The following ZDHHC7 variants were observed in gnomAD, a reference collection of about 807,000 sequenced individuals.
ZDHHC7 encodes zDHHC palmitoyltransferase 7.
Under a neutral mutation model 34.1 loss-of-function variants are expected in ZDHHC7, and 12 were observed. The observed-to-expected ratio is 0.35, with a 90% CI of 0.23 to 0.57. The LOEUF (loss-of-function observed/expected upper bound fraction) is 0.57. Ranked by LOEUF, ZDHHC7 falls within the 20% of genes least tolerant of loss-of-function variation. The pLI is 0.84. For missense variants in ZDHHC7, 388 were observed against 402.7 expected (o/e 0.96, Z 0.31); for synonymous variants, 185 against 155.4 (o/e 1.19, Z -1.42).
intron 3 of ZDHHC7, chr16:84,982,259 C>T (rs2072380475): frequency 6.2e-6 from 2 of 321,654 alleles, no homozygotes; most frequent in Non-Finnish European, 1.2e-5. Flanking sequence ...GCAGGAGAAT[C>T]GCTTGAACTC....
chr16:84,993,430 G>C (rs1308540759), intron 2 of ZDHHC7, among the ~76,000 whole-genome samples: 1 of 152,094 alleles, frequency 6.6e-6, no homozygotes, highest in Non-Finnish European at 1.5e-5. Flanking sequence ...CCAGGAGTTT[G>C]AGACTGGCCT....
the ZDHHC7 span, among the ~76,000 whole-genome samples, chr16:85,018,824 G>A: frequency 1.3e-5 from 2 of 152,114 alleles, no homozygotes; most frequent in African/African-American, 4.8e-5. Context: ...TGGAAAATCA[G>A]AGACTTGTTC....
At chr16:84,996,765 A>G (rs1192554650) in intron 1 of ZDHHC7, among the ~76,000 whole-genome samples, 1 of 152,140 alleles carries the variant, frequency 6.6e-6, no homozygotes, top group Non-Finnish European at 1.5e-5. Context: ...GCGGTGGCTC[A>G]CGCCTGTAAT....
intron 1 of ZDHHC7, among the ~76,000 whole-genome samples, chr16:85,000,297 CT>C (rs2072637144): frequency 6.6e-6 from 1 of 152,196 alleles, no homozygotes; most frequent in African/African-American, 2.4e-5. Flanking sequence ...AGTGGAGTCA[CT>C]TTTCTTCCTG....
chr16:85,002,242 G>A (rs1439490993), intron 1 of ZDHHC7, among the ~76,000 whole-genome samples: 3 of 152,132 alleles, frequency 2.0e-5, no homozygotes, highest in African/African-American at 7.2e-5. Context: ...CAGGGAGGAC[G>A]CTGCTCCCCA....
intron 1 of ZDHHC7, among the ~76,000 whole-genome samples, chr16:85,009,161 A>T (rs2072756362): frequency 6.6e-6 from 1 of 152,064 alleles, no homozygotes; most frequent in Non-Finnish European, 1.5e-5. Flanking sequence ...TTCAATGTTC[A>T]TCCCAAACAT....
In ZDHHC7 at chr16:84,974,273, A is replaced by T. The variant is rs2072265169; in HGVS notation, c.*2070T>A. 1 of 152,194 alleles carries T rather than the reference A, an allele frequency of 6.6e-6. No individual in the cohort carries two copies. 9.4% of individuals were successfully genotyped at this position (152,194 alleles called of 1,614,324 possible). On this transcript the variant is annotated 3_prime_UTR_variant, in exon 8 of 8. Coordinates refer to ENST00000313732, the MANE Select transcript of ZDHHC7 (RefSeq NM_017740.3). ...AATTAAACATTCAACAAGCAACAGT[A>T]CTCACTGGGCAACATTTGTGAGTCG...
chr16:84,997,883 C>G (rs1284062369), intron 1 of ZDHHC7, among the ~76,000 whole-genome samples: 1 of 111,482 alleles, frequency 9.0e-6, no homozygotes, highest in South Asian at 3.0e-4. Flanking sequence ...GGCGACAGAG[C>G]GAGACTCCGT....
At chr16:85,021,826 G>A in the ZDHHC7 span, among the ~76,000 whole-genome samples, 1 of 152,056 alleles carries the variant, frequency 6.6e-6, no homozygotes, top group Non-Finnish European at 1.5e-5. Context: ...GGAGAAAAGA[G>A]AGCCCTCCAG....
At chr16:85,015,392 C>T (rs1431040568), upstream of ZDHHC7, among the ~76,000 whole-genome samples, 10 of 152,130 alleles carry the variant, frequency 6.6e-5, no homozygotes, top group African/African-American at 1.9e-4. Flanking sequence ...TGAGCCACCA[C>T]GCACGGCCTC....
chr16:85,003,738 C>G (rs767951491), intron 1 of ZDHHC7, among the ~76,000 whole-genome samples: 6 of 152,194 alleles, frequency 3.9e-5, no homozygotes, highest in Non-Finnish European at 7.3e-5. Flanking sequence ...AATACTTAAT[C>G]ACTCTACAGT....
the ZDHHC7 span, among the ~76,000 whole-genome samples, chr16:85,024,424 G>C: frequency 6.6e-5 from 10 of 151,820 alleles, no homozygotes; most frequent in African/African-American, 2.4e-4. Flanking sequence ...GTAGAGATGG[G>C]GTTTCACCAT....
intron 3 of ZDHHC7, among the ~76,000 whole-genome samples, chr16:84,982,389 T>TA (rs35406399): frequency 6.6e-6 from 1 of 151,216 alleles, no homozygotes; most frequent in Non-Finnish European, 1.5e-5. Flanking sequence ...ATCAAACAAT[T>TA]AAAAAAAACT....
chr16:84,985,326 G>A (rs1049266628), intron 3 of ZDHHC7, among the ~76,000 whole-genome samples: 5 of 152,240 alleles, frequency 3.3e-5, no homozygotes, highest in South Asian at 2.1e-4. Context: ...CGCAGAGCAT[G>A]CTTCCGGTCC....
At chr16:84,991,843 C>G (rs960941732) in intron 2 of ZDHHC7, among the ~76,000 whole-genome samples, 15 of 152,090 alleles carry the variant, frequency 9.9e-5, no homozygotes, top group Non-Finnish European at 2.9e-5. Context: ...ATCATTTTGA[C>G]ACTTCTTCCC....
At chr16:85,012,338 C>T (rs562168048), upstream of ZDHHC7, among the ~76,000 whole-genome samples, 46 of 139,388 alleles carry the variant, frequency 3.3e-4, no homozygotes, top group Middle Eastern at 4.2e-3. Context: ...GAGCTGAGAT[C>T]AAGCCACTGC....
At chr16:84,988,914 T>C (rs2072472883) in intron 3 of ZDHHC7, 1 of 1,541,428 alleles carries the variant, frequency 6.5e-7, no homozygotes, top group African/African-American at 1.4e-5. Context: ...GAGCTGGACC[T>C]GGCCCTGTAG....
chr16:85,024,230 GT>G, the ZDHHC7 span, among the ~76,000 whole-genome samples: 380 of 108,722 alleles, frequency 3.5e-3, no homozygotes, highest in African/African-American at 0.01. Context: ...AGAGTTTTTT[GT>G]TTTTTTTTTT....
chr16:84,975,317 G>A lies in ZDHHC7; in HGVS notation c.*1026C>T, dbSNP rs1470993967. The stretch of plus-strand genomic sequence containing the variant: ...CCCTTCCCAGAGGTGCCCAATGGCT[G>A]GGCCCTGCCTCTCCAGTAAGGATGC... On this transcript the variant is annotated 3_prime_UTR_variant, in exon 8 of 8. Coordinates refer to ENST00000313732, the MANE Select transcript of ZDHHC7 (RefSeq NM_017740.3). 3.9e-5 allele frequency: 6 copies of A among 152,434 alleles called. No individual in the cohort carries two copies. The highest frequency in any genetic ancestry group is 1.4e-4 in the African/African-American group (6 of 41,452). 9.4% of individuals were successfully genotyped at this position (152,434 alleles called of 1,614,324 possible).
Sources: gnomAD v4.1 joint callset for allele counts (sites outside exome capture counted in the v4.1 genomes callset) on GRCh38, gnomAD v4.1.1 for gene constraint, MANE v1.5 for transcripts, NCBI Gene and HGNC (gene_info 2026-07-23, HGNC 2026-07-21) for gene names.